Variants in SCOC observed in about 807,000 individuals in gnomAD.
SCOC encodes the protein short coiled-coil protein.
Under a neutral mutation model 9.9 loss-of-function variants are expected in SCOC, and 7 were observed. The ratio of observed to expected loss-of-function variants is 0.71; its 90% CI spans 0.40 to 1.33. The LOEUF is 1.33. Among genes scored for constraint, SCOC ranks in the 40% most tolerant of loss-of-function variants. The pLI, the probability that SCOC is intolerant of heterozygous loss-of-function variation, is 0.01. For synonymous variants in SCOC, 19 were observed against 28.2 expected, an observed-to-expected ratio of 0.67 and a Z score of 1.03; for missense variants, 66 against 89.7, an observed-to-expected ratio of 0.74 and a Z score of 1.07.
At chr4:140,356,996 G>T (rs1438420129) in intron 2 of SCOC, among the ~76,000 whole-genome samples, 1 of 152,042 alleles carries the variant, frequency 6.6e-6, no homozygotes, top group East Asian at 1.9e-4. Flanking sequence ...TAGAGACAGG[G>T]TCTCGCTCTG....
chr4:140,377,074 A>G (rs1025522808), intron 1 of SCOC, among the ~76,000 whole-genome samples: 1 of 152,026 alleles, frequency 6.6e-6, no homozygotes, highest in African/African-American at 2.4e-5. Context: ...CTTGCTGAGC[A>G]CTCCCACGAT....
rs1052118729 is a variant in SCOC, at chr4:140,384,095, A to G, written c.*2991A>G. 2.6e-5 allele frequency: 4 copies of G among 152,196 alleles called. No homozygotes were observed. The highest frequency in any genetic ancestry group is 5.9e-5 in the Non-Finnish European group (4 of 68,036). The allele number at this position is 152,196 out of a possible 1,614,324, so 9.4% of individuals were successfully genotyped here. On this transcript the variant is annotated 3_prime_UTR_variant, in exon 4 of 4. Coordinates refer to ENST00000608372, the MANE Select transcript of SCOC (RefSeq NM_001153484.2). Reference sequence around the variant, plus strand: ...TTAATTTCATGAGGTTCCTTGTATCAAAACTTTGTCTATTCCCTTCTATCT... The same window carrying G: ...TTAATTTCATGAGGTTCCTTGTATCGAAACTTTGTCTATTCCCTTCTATCT...
At chr4:140,285,131 C>T (rs1302030303) in intron 1 of SCOC, 1 of 455,720 alleles carries the variant, frequency 2.2e-6, no homozygotes, top group Non-Finnish European at 4.4e-6. Flanking sequence ...CTCATCACGT[C>T]TCAAAGCTTG....
chr4:140,260,394 G>A (rs190988283), intron 1 of SCOC, among the ~76,000 whole-genome samples: 10 of 152,346 alleles, frequency 6.6e-5, no homozygotes, highest in African/African-American at 1.4e-4. Context: ...GAAGTTGCAC[G>A]TGTTGAAATG....
In SCOC at chr4:140,385,021, G is replaced by A. The variant is rs188857238; in HGVS notation, c.*3917G>A. The A allele has an allele frequency of 2.1e-5, 3 of 140,770 alleles. No individual in the cohort carries two copies. Among genetic ancestry groups the A allele is most frequent in the Middle Eastern group, 3.8e-3 (1 of 260 alleles). The allele number at this position is 140,770 out of a possible 1,614,324, so 8.7% of individuals were successfully genotyped here. Reference sequence around the variant, plus strand: ...TCTCAGACTTCCAGCTTCCAAAACTGAGAAATAAATTTGTTTATAAGCCAC... The same window carrying A: ...TCTCAGACTTCCAGCTTCCAAAACTAAGAAATAAATTTGTTTATAAGCCAC... On this transcript the variant is annotated 3_prime_UTR_variant, in exon 4 of 4. Coordinates refer to ENST00000608372, the MANE Select transcript of SCOC (RefSeq NM_001153484.2).
chr4:140,340,852 C>T (rs1270763426), upstream of SCOC, among the ~76,000 whole-genome samples: 8 of 126,760 alleles, frequency 6.3e-5, no homozygotes, highest in Non-Finnish European at 1.1e-4. Flanking sequence ...AGTGCAGTGG[C>T]GAGATCTCAG....
At chr4:140,377,714 G>C (rs1010626562) in intron 1 of SCOC, among the ~76,000 whole-genome samples, 3 of 152,146 alleles carry the variant, frequency 2.0e-5, no homozygotes, top group African/African-American at 7.2e-5. Flanking sequence ...TTTCATGTTA[G>C]TATCTGAAGT....
chr4:140,335,735 C>T (rs1178808055), intron 1 of SCOC, among the ~76,000 whole-genome samples: 1 of 152,136 alleles, frequency 6.6e-6, no homozygotes, highest in East Asian at 1.9e-4. Flanking sequence ...CAAACACTGG[C>T]TTCCAGTGTT....
At chr4:140,380,908 A>G (rs1728551022) in intron 3 of SCOC, 54 bp from the exon 4 acceptor site, 3 of 1,296,258 alleles carry the variant, frequency 2.3e-6, no homozygotes, top group Non-Finnish European at 2.1e-6. Context: ...ATTTTGTAAT[A>G]TGGAATCATT....
chr4:140,373,958 G>C (rs771318365), intron 1 of SCOC: 6 of 677,216 alleles, frequency 8.9e-6, no homozygotes, highest in Non-Finnish European at 1.6e-5. Context: ...CTTTGGGAGA[G>C]GGACCTCTCG....
intron 1 of SCOC, among the ~76,000 whole-genome samples, chr4:140,274,132 T>C (rs1034099690): frequency 2.6e-5 from 4 of 152,268 alleles, no homozygotes; most frequent in East Asian, 1.9e-4. Context: ...AGCTACTATG[T>C]ATCACCCTGT....
chr4:140,329,952 C>T (rs954645781), intron 1 of SCOC, among the ~76,000 whole-genome samples: 13 of 152,150 alleles, frequency 8.5e-5, no homozygotes, highest in Admixed American at 5.9e-4. Flanking sequence ...CCCACTACTA[C>T]GTATCTACCC....
intron 2 of SCOC, among the ~76,000 whole-genome samples, chr4:140,353,065 C>G (rs1727046956): frequency 6.6e-6 from 1 of 152,220 alleles, no homozygotes; most frequent in African/African-American, 2.4e-5. Context: ...TTTGGACACA[C>G]TTTCCCTCAC....
chr4:140,363,853 T>C (rs1209785776), intron 2 of SCOC, among the ~76,000 whole-genome samples: 1 of 152,244 alleles, frequency 6.6e-6, no homozygotes, highest in Non-Finnish European at 1.5e-5. Context: ...AGTGCAATAC[T>C]GTAAACCTTG....
At chr4:140,280,079 T>A (rs1020614787) in intron 1 of SCOC, among the ~76,000 whole-genome samples, 2 of 152,196 alleles carry the variant, frequency 1.3e-5, no homozygotes, top group Non-Finnish European at 2.9e-5. Flanking sequence ...CTGAATCATA[T>A]GGCTACAGTG....
upstream of SCOC, chr4:140,373,375 C>A: frequency 1.4e-6 from 2 of 1,450,878 alleles, no homozygotes; most frequent in Non-Finnish European, 1.8e-6. Context: ...AGCCGCTTCA[C>A]CAGCGCCGCT....
rs1477854206 is a variant in SCOC, at chr4:140,384,812, T to C, written c.*3708T>C. 1 of 152,200 alleles carries C rather than the reference T, an allele frequency of 6.6e-6. No individual in the cohort carries two copies. Among genetic ancestry groups the C allele is most frequent in the East Asian group, 1.9e-4 (1 of 5,188 alleles). 9.4% of individuals were successfully genotyped at this position (152,200 alleles called of 1,614,324 possible). On this transcript the variant is annotated 3_prime_UTR_variant, in exon 4 of 4. Coordinates refer to ENST00000608372, the MANE Select transcript of SCOC (RefSeq NM_001153484.2). Reference sequence around the variant, plus strand: ...ACTGAATGTGTCCTCCCAAAATTCTTAGGTTGAAATCCTAACCCCAATGTG... The same window carrying C: ...ACTGAATGTGTCCTCCCAAAATTCTCAGGTTGAAATCCTAACCCCAATGTG...
At chr4:140,264,674 G>A (rs910016765) in intron 1 of SCOC, among the ~76,000 whole-genome samples, 3 of 152,166 alleles carry the variant, frequency 2.0e-5, no homozygotes, top group Admixed American at 6.5e-5. Context: ...TATCCCACAT[G>A]ACTTTTGAGT....
Position 140,379,176 on chromosome 4 carries a change from G to A in SCOC, c.6G>A (p.Met2Ile). 1 of 1,606,858 alleles carries A rather than the reference G, an allele frequency of 6.2e-7. No individual in the cohort carries two copies. Among genetic ancestry groups the A allele is most frequent in the Non-Finnish European group, 8.5e-7 (1 of 1,173,624 alleles). Reference sequence around the variant, plus strand: ...CCAAAAGTTTGTTACCCAAGATGATGAATGCTGACATGGATGGTATGTTCT... The same window carrying A: ...CCAAAAGTTTGTTACCCAAGATGATAAATGCTGACATGGATGGTATGTTCT... The part of the protein sequence containing the change: M[M>I]NADMDAVDAE... Residue 2 changes from methionine (M) to isoleucine (I), a missense_variant, in exon 2 of 4, where the codon ATG becomes ATA. Transcript: ENST00000608372.
Sources: allele counts gnomAD v4.1 joint callset (sites outside exome capture counted in the v4.1 genomes callset), GRCh38; gene constraint gnomAD v4.1.1; transcripts MANE v1.5; gene names NCBI Gene and HGNC (gene_info 2026-07-23, HGNC 2026-07-21).